CTNNA3: variants seen among roughly 807,000 people sequenced by gnomAD.
CTNNA3 encodes the protein catenin alpha 3.
CTNNA3 carries 76 observed loss-of-function variants against 95.7 expected under a neutral mutation model. The ratio of observed to expected loss-of-function variants is 0.79; its 90% CI spans 0.66 to 0.96. The LOEUF (loss-of-function observed/expected upper bound fraction) is 0.96, where lower values mean the gene tolerates loss of function less well. Ranked by LOEUF, CTNNA3 falls within the 40% of genes least tolerant of loss-of-function variation. The pLI is 0.00. For synonymous variants in CTNNA3, 431 were observed against 374.4 expected, an observed-to-expected ratio of 1.15 and a Z score of -1.74; for missense variants, 1,191 against 1,089.8, an observed-to-expected ratio of 1.09 and a Z score of -1.31.
chr10:66,194,923 A>T (rs538921480), intron 13 of CTNNA3, among the ~76,000 whole-genome samples: 1 of 152,212 alleles, frequency 6.6e-6, no homozygotes, highest in Non-Finnish European at 1.5e-5. Flanking sequence ...TATGCAATCA[A>T]TGCAAAGGAA....
Position 67,053,139 on chromosome 10 carries a change from A to G in CTNNA3, c.1047+127178T>C, listed in dbSNP as rs75463154. On this transcript the variant is annotated intron_variant, in intron 7 of 17. Transcript: ENST00000433211. The stretch of plus-strand genomic sequence containing the variant: ...GGTAATATAATTACTTTATCATAGT[A>G]TTCTGTTTTCTGGGAACCAATCATC... 0.01 allele frequency among the ~76,000 whole-genome samples: 1,566 copies of G among 152,302 alleles called. 66 individuals carry two copies. In the East Asian group the frequency reaches 0.14, roughly 14 times the overall value.
intron 9 of CTNNA3, among the ~76,000 whole-genome samples, chr10:66,713,998 T>C (rs1848374928): frequency 1.3e-5 from 2 of 152,052 alleles, no homozygotes; most frequent in Admixed American, 1.3e-4. Flanking sequence ...AATCACATGA[T>C]AGAATATAAT....
At chr10:67,194,082 CTA>C (rs922529021) in intron 6 of CTNNA3, among the ~76,000 whole-genome samples, 6 of 151,910 alleles carry the variant, frequency 3.9e-5, no homozygotes, top group African/African-American at 1.4e-4. Flanking sequence ...TTTTTTAAAA[CTA>C]TGTTTGTTGG....
intron 11 of CTNNA3, among the ~76,000 whole-genome samples, chr10:66,463,758 C>G (rs1040301340): frequency 4.6e-5 from 7 of 152,134 alleles, no homozygotes; most frequent in African/African-American, 9.7e-5. Flanking sequence ...CATTCCCTCC[C>G]TTGCTGCAGC....
chr10:66,941,507 C>G (rs917558606), intron 7 of CTNNA3, among the ~76,000 whole-genome samples: 5 of 152,120 alleles, frequency 3.3e-5, no homozygotes, highest in African/African-American at 1.2e-4. Flanking sequence ...TCACCTCTTT[C>G]CTTTCAACTG....
chr10:65,975,949 A>T (rs1374569745), intron 16 of CTNNA3, among the ~76,000 whole-genome samples: 2 of 152,104 alleles, frequency 1.3e-5, no homozygotes, highest in Non-Finnish European at 2.9e-5. Flanking sequence ...TTTATCTGTC[A>T]TCTATAATTC....
chr10:67,443,245 G>A (rs982239498), intron 5 of CTNNA3, among the ~76,000 whole-genome samples: 9 of 151,168 alleles, frequency 6.0e-5, no homozygotes, highest in South Asian at 2.1e-4. Flanking sequence ...GAAGAGTGCC[G>A]CAATAAACAT....
intron 7 of CTNNA3, among the ~76,000 whole-genome samples, chr10:67,090,637 A>G (rs1857574561): frequency 6.6e-6 from 1 of 152,106 alleles, no homozygotes; most frequent in African/African-American, 2.4e-5. Flanking sequence ...AAGGCTTAAA[A>G]TAGGCAACCT....
chr10:66,258,368 C>A (rs2132091619), intron 13 of CTNNA3, among the ~76,000 whole-genome samples: 1 of 152,286 alleles, frequency 6.6e-6, no homozygotes, highest in East Asian at 1.9e-4. Context: ...CATGACAACT[C>A]CAGGAACTAA....
chr10:66,304,808 A>G (rs931846206), intron 12 of CTNNA3, among the ~76,000 whole-genome samples: 1 of 152,196 alleles, frequency 6.6e-6, no homozygotes, highest in Non-Finnish European at 1.5e-5. Flanking sequence ...CAGAACAGTG[A>G]TTAAGTAAGA....
chr10:66,423,798 C>G (rs1007343764), intron 11 of CTNNA3, among the ~76,000 whole-genome samples: 1 of 152,206 alleles, frequency 6.6e-6, no homozygotes, highest in Non-Finnish European at 1.5e-5. Context: ...AGAAGCCCCT[C>G]TCAGGTTTAT....
At chr10:67,090,513 C>A (rs1336255859) in intron 7 of CTNNA3, among the ~76,000 whole-genome samples, 1 of 152,042 alleles carries the variant, frequency 6.6e-6, no homozygotes, top group Non-Finnish European at 1.5e-5. Context: ...AGATAAGCAA[C>A]AAAATGTAGT....
intron 7 of CTNNA3, among the ~76,000 whole-genome samples, chr10:66,894,885 A>C (rs1845413998): frequency 6.6e-6 from 1 of 151,722 alleles, no homozygotes; most frequent in African/African-American, 2.4e-5. Flanking sequence ...GTAGATACTA[A>C]TACTGTAATT....
At chr10:67,207,835 C>A (rs946232485) in intron 6 of CTNNA3, among the ~76,000 whole-genome samples, 1 of 152,080 alleles carries the variant, frequency 6.6e-6, no homozygotes, top group Non-Finnish European at 1.5e-5. Context: ...TTAAGGATCA[C>A]CTGGGAAGGC....
rs1223032203 is a variant in CTNNA3 at position 65,919,235 on chromosome 10, C to T, written c.*1095G>A. ...ATTATGAAGTCCATTATGAACTCAA[C>T]TAGGAATGAACACAGTGACTGGAGT... On this transcript the variant is annotated 3_prime_UTR_variant, in exon 18 of 18. Coordinates refer to ENST00000433211, the MANE Select transcript of CTNNA3 (RefSeq NM_013266.4). The T allele has an allele frequency of 6.6e-6, 1 of 152,020 alleles. No homozygotes were observed. The highest frequency in any genetic ancestry group is 1.5e-5 in the Non-Finnish European group (1 of 68,004). 9.4% of individuals were successfully genotyped at this position (152,020 alleles called of 1,614,324 possible). A position where few individuals can be genotyped will look rare whatever the true frequency, so the allele number is the denominator to read the frequency against.
At chr10:67,304,186 G>A (rs1474503368) in intron 5 of CTNNA3, among the ~76,000 whole-genome samples, 5 of 152,056 alleles carry the variant, frequency 3.3e-5, no homozygotes, top group East Asian at 1.9e-4. Flanking sequence ...CCACTTCACC[G>A]TGCCCCTATC....
chr10:66,435,516 G>C (rs1485509213), intron 11 of CTNNA3, among the ~76,000 whole-genome samples: 1 of 151,890 alleles, frequency 6.6e-6, no homozygotes, highest in East Asian at 1.9e-4. Context: ...TGTGGGATCA[G>C]TGGTGATATC....
At chr10:66,529,932 T>C (rs1459528282) in intron 10 of CTNNA3, among the ~76,000 whole-genome samples, 2 of 152,176 alleles carry the variant, frequency 1.3e-5, no homozygotes, top group Non-Finnish European at 2.9e-5. Flanking sequence ...AATACATGTA[T>C]GCATACACTG....
chr10:67,353,240 G>T (rs778498355), intron 5 of CTNNA3, among the ~76,000 whole-genome samples: 3 of 151,864 alleles, frequency 2.0e-5, no homozygotes, highest in Non-Finnish European at 2.9e-5. Context: ...CAATCCCACT[G>T]CATGCTAAAA....
Sources: gnomAD v4.1 joint callset for allele counts (sites outside exome capture counted in the v4.1 genomes callset) on GRCh38, gnomAD v4.1.1 for gene constraint, MANE v1.5 for transcripts, NCBI Gene and HGNC (gene_info 2026-07-23, HGNC 2026-07-21) for gene names.